PTPRN2: variants seen among roughly 807,000 people sequenced by gnomAD.
PTPRN2 encodes protein tyrosine phosphatase receptor type N2, also known as receptor-type tyrosine-protein phosphatase N2.
A neutral mutation model predicts 118.8 loss-of-function variants in PTPRN2; 74 were observed. The observed-to-expected ratio is 0.62, with a 90% confidence interval of 0.52 to 0.76. The LOEUF (loss-of-function observed/expected upper bound fraction) is 0.76, where lower values mean the gene tolerates loss of function less well. PTPRN2 is among the 30% of genes least tolerant of loss of function. The pLI is 0.00. For missense variants in PTPRN2, 1,481 were observed against 1,394.4 expected (o/e 1.06, Z -0.99); for synonymous variants, 641 against 608.0 (o/e 1.05, Z -0.80).
Position 157,805,000 on chromosome 7 carries a change from G to A in PTPRN2, c.1788+93673C>T, listed in dbSNP as rs765747881. ...TGCCCCTGAGCTCTCAGAGGGATGC[G>A]CTGCCTCAGCGTGGGGTGGGAGTGC... On this transcript the variant is annotated intron_variant, in intron 12 of 22. Transcript: ENST00000389418. 3.7e-4 allele frequency among the ~76,000 whole-genome samples: 57 copies of A among 152,280 alleles called. 1 individual carries two copies. The highest frequency in any genetic ancestry group is 6.3e-4 in the Non-Finnish European group (43 of 68,024).
intron 2 of PTPRN2, among the ~76,000 whole-genome samples, chr7:158,488,652 G>A (rs1012881100): frequency 6.6e-6 from 1 of 152,226 alleles, no homozygotes; most frequent in East Asian, 1.9e-4. Context: ...GGCACCCCAG[G>A]CCAGCGCCCT....
At chr7:158,026,119 G>T (rs1281024852) in intron 11 of PTPRN2, among the ~76,000 whole-genome samples, 1 of 152,256 alleles carries the variant, frequency 6.6e-6, no homozygotes, top group Non-Finnish European at 1.5e-5. Flanking sequence ...GGAAACCGGG[G>T]TCGGCGCGGA....
intron 12 of PTPRN2, among the ~76,000 whole-genome samples, chr7:157,877,986 G>GT (rs1470858992): frequency 1.6e-4 from 24 of 152,222 alleles, no homozygotes; most frequent in African/African-American, 5.1e-4. Context: ...AAAATCCCGC[G>GT]TATGTCAGTA....
chr7:157,837,154 T>TCCATGTGTCCCTCCACCCA (rs1808016745), intron 12 of PTPRN2, among the ~76,000 whole-genome samples: 1 of 132,224 alleles, frequency 7.6e-6, no homozygotes. Context: ...CATCCGCCCT[T>TCCATGTGTCCCTCCACCCA]CCGTGTGTCC....
intron 14 of PTPRN2, among the ~76,000 whole-genome samples, chr7:157,631,285 G>A (rs1054232992): frequency 2.6e-5 from 4 of 152,232 alleles, no homozygotes; most frequent in African/African-American, 9.6e-5. Flanking sequence ...TATGCAGTTC[G>A]GGTGGAGAAG....
rs142801094 is a variant in PTPRN2 at position 158,117,782 on chromosome 7, GA to G, written c.1557-6868del. Among the ~76,000 whole-genome samples the G allele has an allele frequency of 7.6e-3, 1,131 of 148,642 alleles. 8 individuals are homozygous for G. The highest frequency in any genetic ancestry group is 8.4e-3 in the Non-Finnish European group (565 of 66,940). On this transcript the variant is annotated intron_variant, in intron 9 of 22. Transcript: ENST00000389418. The stretch of plus-strand genomic sequence containing the variant: ...ATATATTCCAAGTGCTACAGGAAAA[GA>G]AAAAAAAAACCTGTCAACCAAGAAT...
intron 5 of PTPRN2, among the ~76,000 whole-genome samples, chr7:158,183,020 T>C (rs1423409101): frequency 6.6e-6 from 1 of 152,234 alleles, no homozygotes; most frequent in Non-Finnish European, 1.5e-5. Flanking sequence ...TCTTGTTGGA[T>C]TGGCCCTTTT....
chr7:158,365,323 G>A (rs770425186), intron 2 of PTPRN2, among the ~76,000 whole-genome samples: 5 of 152,114 alleles, frequency 3.3e-5, no homozygotes, highest in African/African-American at 4.8e-5. Context: ...TTCTGACAAC[G>A]GCAATTTTTG....
intron 2 of PTPRN2, among the ~76,000 whole-genome samples, chr7:158,345,937 G>A (rs1050122030): frequency 3.3e-5 from 5 of 152,030 alleles, no homozygotes; most frequent in Admixed American, 6.6e-5. Flanking sequence ...TCACTATCAC[G>A]AGAACAGCGT....
At chr7:157,662,779 T>G (rs1324518151) in intron 13 of PTPRN2, among the ~76,000 whole-genome samples, 2 of 152,330 alleles carry the variant, frequency 1.3e-5, no homozygotes, top group Non-Finnish European at 1.5e-5. Flanking sequence ...CCGCGACTGC[T>G]TTCGGAATGT....
At position 157,981,976 on chromosome 7, in the gene PTPRN2, TA is replaced by T. The variant is rs61266706; in HGVS notation, c.1724-83240del. 3.0e-3 allele frequency among the ~76,000 whole-genome samples: 446 copies of T among 148,114 alleles called. 16 individuals are homozygous for T. Among genetic ancestry groups the T allele is most frequent in the Admixed American group, 0.027 (395 of 14,700 alleles). On this transcript the variant is annotated intron_variant, in intron 11 of 22. Transcript: ENST00000389418. ...GAGGAGGGGAATGCAGAGTGCAGGG[TA>T]CCGCCCAGAACCCCTGAGTCATAGA...
chr7:157,982,017 T>C (rs750647030), intron 11 of PTPRN2, among the ~76,000 whole-genome samples: 5 of 146,090 alleles, frequency 3.4e-5, no homozygotes, highest in Admixed American at 7.0e-5. Context: ...AGGAGGGGAA[T>C]GCAGAGTGTG....
At chr7:158,299,803 C>T (rs1364158408) in intron 3 of PTPRN2, among the ~76,000 whole-genome samples, 5 of 152,148 alleles carry the variant, frequency 3.3e-5, no homozygotes, top group Admixed American at 3.3e-4. Context: ...GGTTCCCAGG[C>T]CCCCCAGGGA....
intron 22 of PTPRN2, among the ~76,000 whole-genome samples, chr7:157,541,651 C>T (rs552242685): frequency 1.3e-5 from 2 of 152,322 alleles, no homozygotes; most frequent in Non-Finnish European, 2.9e-5. Flanking sequence ...GCTGAGAACG[C>T]GTGGACGGAA....
chr7:158,313,528 T>C (rs935958776), intron 3 of PTPRN2, among the ~76,000 whole-genome samples: 1 of 152,186 alleles, frequency 6.6e-6, no homozygotes, highest in East Asian at 1.9e-4. Context: ...TGAGCAAGAC[T>C]GGAGATGCAG....
chr7:157,812,012 C>T (rs1193229292), intron 12 of PTPRN2, among the ~76,000 whole-genome samples: 1 of 152,172 alleles, frequency 6.6e-6, no homozygotes, highest in African/African-American at 2.4e-5. Context: ...AAAAGCCTCG[C>T]TCTGAGGACA....
At chr7:158,470,537 G>A (rs899978766) in intron 2 of PTPRN2, among the ~76,000 whole-genome samples, 22 of 152,328 alleles carry the variant, frequency 1.4e-4, no homozygotes, top group Admixed American at 1.0e-3. Flanking sequence ...GACGGAGCAC[G>A]ACTCAGCGAC....
chr7:158,459,265 G>A (rs369471384), intron 2 of PTPRN2, among the ~76,000 whole-genome samples: 79 of 10,938 alleles, frequency 7.2e-3, no homozygotes, highest in Middle Eastern at 0.083. Context: ...TGCCTGGGAT[G>A]AATGGGCTCC....
intron 2 of PTPRN2, among the ~76,000 whole-genome samples, chr7:158,379,288 C>T (rs1014410201): frequency 2.0e-5 from 3 of 152,286 alleles, no homozygotes; most frequent in East Asian, 1.9e-4. Flanking sequence ...GTAGGGAATA[C>T]GGTTCTGCTG....
Sources: gnomAD v4.1 joint callset for allele counts (sites outside exome capture counted in the v4.1 genomes callset) on GRCh38, gnomAD v4.1.1 for gene constraint, MANE v1.5 for transcripts, NCBI Gene and HGNC (gene_info 2026-07-23, HGNC 2026-07-21) for gene names.